The following CLIC5 variants were observed in gnomAD, a reference collection of about 807,000 sequenced individuals.
CLIC5 encodes the protein chloride intracellular channel protein 5.
CLIC5 carries 20 observed loss-of-function variants against 24.7 expected under a neutral mutation model. The observed-to-expected ratio is 0.81, with a 90% CI of 0.57 to 1.18. CLIC5 has a LOEUF of 1.18. Among genes scored for constraint, CLIC5 ranks in the 50% most tolerant of loss-of-function variants. The pLI is 0.00. For missense variants in CLIC5, 341 were observed against 326.1 expected, an observed-to-expected ratio of 1.05 and a Z score of -0.35; for synonymous variants, 159 against 135.6, an observed-to-expected ratio of 1.17 and a Z score of -1.20.
chr6:45,887,954 T>C (rs920903186), intron 6 of CLIC5, among the ~76,000 whole-genome samples: 3 of 152,218 alleles, frequency 2.0e-5, no homozygotes, highest in African/African-American at 2.4e-5. Flanking sequence ...TTCAAACATC[T>C]GGCAATTCTA....
chr6:46,128,061 C>T, the CLIC5 span, among the ~76,000 whole-genome samples: 1 of 152,138 alleles, frequency 6.6e-6, no homozygotes, highest in Non-Finnish European at 1.5e-5. Flanking sequence ...CTTCTTGTTC[C>T]ACAAGACGAT....
chr6:46,064,161 G>A lies in CLIC5; in HGVS notation c.540+15542C>T, dbSNP rs541125060. ...TTAAGAAGATAGAAGAAAATATGAA[G>A]AGAGAATTGACAATAAATTCAACAA... On this transcript the variant is annotated intron_variant, in intron 1 of 5. Transcript: ENST00000185206. Among the ~76,000 whole-genome samples the A allele has an allele frequency of 1.1e-3, 163 of 152,096 alleles. 1 individual carries two copies. The highest frequency in any genetic ancestry group is 3.8e-3 in the African/African-American group (158 of 41,510).
chr6:45,960,574 C>T (rs1764812825), intron 1 of CLIC5, among the ~76,000 whole-genome samples: 1 of 152,146 alleles, frequency 6.6e-6, no homozygotes, highest in South Asian at 2.1e-4. Flanking sequence ...AGCATGCAAC[C>T]CCCCTGGCAC....
At chr6:46,120,762 G>A in the CLIC5 span, among the ~76,000 whole-genome samples, 2 of 152,146 alleles carry the variant, frequency 1.3e-5, no homozygotes, top group Admixed American at 6.5e-5. Context: ...TGAAAACCAT[G>A]GCACGAGAAC....
intron 1 of CLIC5, among the ~76,000 whole-genome samples, chr6:46,049,040 G>A (rs1337730619): frequency 6.6e-6 from 1 of 152,216 alleles, no homozygotes; most frequent in Non-Finnish European, 1.5e-5. Context: ...CAGGCCTCCT[G>A]TTTGAATATC....
At chr6:45,888,613 A>G (rs1179967125) in intron 6 of CLIC5, among the ~76,000 whole-genome samples, 2 of 152,234 alleles carry the variant, frequency 1.3e-5, no homozygotes, top group Non-Finnish European at 2.9e-5. Context: ...TAAGTCTATC[A>G]TAAACATATT....
intron 1 of CLIC5, among the ~76,000 whole-genome samples, chr6:45,998,895 A>T (rs1327831738): frequency 6.6e-6 from 1 of 152,210 alleles, no homozygotes; most frequent in Non-Finnish European, 1.5e-5. Context: ...ATTTGTTTAC[A>T]TGTTGTCTAC....
chr6:45,918,222 C>G (rs1763107469), intron 4 of CLIC5, among the ~76,000 whole-genome samples: 1 of 152,176 alleles, frequency 6.6e-6, no homozygotes, highest in Non-Finnish European at 1.5e-5. Context: ...AAAATCCACC[C>G]ATTCCATGAT....
At chr6:45,907,420 G>A (rs1271363986) in intron 5 of CLIC5, among the ~76,000 whole-genome samples, 1 of 152,112 alleles carries the variant, frequency 6.6e-6, no homozygotes, top group Admixed American at 6.5e-5. Flanking sequence ...TGCTGGATTT[G>A]GTTTGCTAGT....
At chr6:45,967,996 A>C (rs1451192624) in intron 1 of CLIC5, among the ~76,000 whole-genome samples, 1 of 152,150 alleles carries the variant, frequency 6.6e-6, no homozygotes, top group Non-Finnish European at 1.5e-5. Flanking sequence ...CATTCAAACC[A>C]TATCAGTGGG....
chr6:45,883,413 G>A (rs1430671297), intron 6 of CLIC5, among the ~76,000 whole-genome samples: 1 of 152,146 alleles, frequency 6.6e-6, no homozygotes, highest in Non-Finnish European at 1.5e-5. Flanking sequence ...TAACATTCTA[G>A]GAATTCGTTA....
intron 1 of CLIC5, among the ~76,000 whole-genome samples, chr6:45,957,991 G>C (rs76548151): frequency 0.013 from 2,050 of 152,150 alleles, 32 homozygotes; most frequent in African/African-American, 0.046. Context: ...CAAAAACAGT[G>C]TCCTAGGTTG....
intron 1 of CLIC5, among the ~76,000 whole-genome samples, chr6:45,969,331 G>T (rs1765118281): frequency 2.0e-5 from 3 of 152,118 alleles, no homozygotes; most frequent in Admixed American, 2.0e-4. Context: ...CTGCTTCTGG[G>T]CTCTGCCTTC....
At position 45,914,227 on chromosome 6, in the gene CLIC5, C is replaced by A; in HGVS notation, c.588+1G>T. Reference sequence around the variant, plus strand: ...GGCCCCTGTGGGTAGAGCTCTCTTACCTTGACCACATGGAGCTTGGGCAAC... The same window carrying A: ...GGCCCCTGTGGGTAGAGCTCTCTTAACTTGACCACATGGAGCTTGGGCAAC... On this transcript the variant is annotated splice_donor_variant, in intron 5 of 5. Coordinates refer to ENST00000339561, the MANE Select transcript of CLIC5 (RefSeq NM_016929.5). LOFTEE classifies it high-confidence loss of function. 6.3e-7 allele frequency: 1 copy of A among 1,588,040 alleles called. No homozygotes were observed. Among genetic ancestry groups the A allele is most frequent in the Non-Finnish European group, 8.6e-7 (1 of 1,162,478 alleles).
intron 3 of CLIC5, among the ~76,000 whole-genome samples, chr6:45,944,338 T>C (rs563076766): frequency 3.5e-4 from 54 of 152,236 alleles, no homozygotes; most frequent in Non-Finnish European, 7.2e-4. Flanking sequence ...TACTAGTTTA[T>C]GGCTTCTTTC....
rs1171173333 is a variant in CLIC5, at chr6:46,015,580, G to T, written c.-38C>A. On this transcript the variant is annotated 5_prime_UTR_variant, in exon 1 of 6. Coordinates refer to ENST00000339561, the MANE Select transcript of CLIC5 (RefSeq NM_016929.5). The stretch of plus-strand genomic sequence containing the variant: ...CGGGGCTACCGTCCCGGGCCGGGGA[G>T]GCGCCACCTCTGCAGCACCTGGGCC... The T allele has an allele frequency of 6.5e-7, 1 of 1,541,390 alleles. No homozygotes were observed. The highest frequency in any genetic ancestry group is 8.7e-7 in the Non-Finnish European group (1 of 1,143,992).
At chr6:46,022,556 G>A (rs766067678) in intron 1 of CLIC5, among the ~76,000 whole-genome samples, 4 of 152,186 alleles carry the variant, frequency 2.6e-5, no homozygotes, top group African/African-American at 9.7e-5. Context: ...CACAGATTGG[G>A]CTATGAGGGG....
chr6:45,963,911 T>G (rs1385629933), intron 1 of CLIC5, among the ~76,000 whole-genome samples: 1 of 152,210 alleles, frequency 6.6e-6, no homozygotes, highest in Non-Finnish European at 1.5e-5. Flanking sequence ...CTTCCAATAA[T>G]CTAGTTGCTA....
Position 45,903,006 on chromosome 6 carries a change from G to A in CLIC5, c.*82C>T. 1 of 1,475,758 alleles carries A rather than the reference G, an allele frequency of 6.8e-7. No individual in the cohort carries two copies. Among genetic ancestry groups the A allele is most frequent in the Non-Finnish European group, 9.4e-7 (1 of 1,067,980 alleles). The allele number at this position is 1,475,758 out of a possible 1,614,324, so 91.4% of individuals were successfully genotyped here. On this transcript the variant is annotated 3_prime_UTR_variant, in exon 6 of 6. Coordinates refer to ENST00000339561, the MANE Select transcript of CLIC5 (RefSeq NM_016929.5). ...TATAAAAAGTGCGCCTCAAGGCAGT[G>A]ATACAGAGGAGTCTATGAAGCTGGA...
Sources: gnomAD v4.1 joint callset for allele counts (sites outside exome capture counted in the v4.1 genomes callset) on GRCh38, gnomAD v4.1.1 for gene constraint, MANE v1.5 for transcripts, NCBI Gene and HGNC (gene_info 2026-07-23, HGNC 2026-07-21) for gene names.